WHAMM: variants seen among roughly 807,000 people sequenced by gnomAD.
WHAMM encodes the protein WASP homolog-associated protein with actin, membranes and microtubules.
A neutral mutation model predicts 76.5 loss-of-function variants in WHAMM; 67 were observed. The ratio of observed to expected loss-of-function variants is 0.88; its 90% CI spans 0.72 to 1.07. WHAMM has a LOEUF of 1.07. WHAMM is among the 50% of genes least tolerant of loss of function. The probability of loss-of-function intolerance (pLI) is 0.00; values close to 1 mark genes in which losing one functional copy is unlikely to be tolerated. For synonymous variants in WHAMM, 419 were observed against 422.1 expected (o/e 0.99, Z 0.09); for missense variants, 1,021 against 1,051.1 (o/e 0.97, Z 0.40).
chr15:82,817,525 T>A (rs1183252825), intron 3 of WHAMM, among the ~76,000 whole-genome samples: 1 of 152,102 alleles, frequency 6.6e-6, no homozygotes, highest in Non-Finnish European at 1.5e-5. Context: ...GATTCTTGAT[T>A]TTTTTTTATG....
At chr15:82,822,868 A>G (rs2050855173) in intron 5 of WHAMM, among the ~76,000 whole-genome samples, 2 of 151,988 alleles carry the variant, frequency 1.3e-5, no homozygotes, top group Admixed American at 1.3e-4. Flanking sequence ...ATGTATGTAT[A>G]CATGCATACA....
rs2051025473 is a variant in WHAMM at position 82,831,060 on chromosome 15, G to A, written c.2103G>A (p.Leu701=). Residue 701 remains leucine, a synonymous_variant, in exon 9 of 10, where the codon TTG becomes TTA. Transcript: ENST00000286760. The part of the protein sequence containing the change: ...ESPAERPRDS[L]ESFSCPGSMD... Reference sequence around the variant, plus strand: ...CTGCTGAGCGACCACGTGACTCCTTGGAAAGTTTTTCATGTCCAGGTAATC... The same window carrying A: ...CTGCTGAGCGACCACGTGACTCCTTAGAAAGTTTTTCATGTCCAGGTAATC... The A allele has an allele frequency of 3.1e-6, 5 of 1,607,500 alleles. No individual in the cohort carries two copies. The highest frequency in any genetic ancestry group is 4.2e-6 in the Non-Finnish European group (5 of 1,179,602).
rs760129663 is a variant in WHAMM, at chr15:82,833,393, A to G, written c.2287A>G (p.Asn763Asp). 5.0e-6 allele frequency: 8 copies of G among 1,613,902 alleles called. No individual in the cohort carries two copies. In the Admixed American group the frequency reaches 8.3e-5, roughly 17 times the overall value. The change falls in exon 10 of 10, where the codon AAC becomes GAC. Residue 763 changes from asparagine (N) to aspartate (D), a missense_variant. By Grantham distance (23) the Asn-to-Asp change is conservative. This residue lies in a region of WHAMM where 509 missense variants were observed against 492.3 expected (regional missense o/e 1.03). Transcript: ENST00000286760. ...LKKVHPDLGPNPSSKPTSNRR... is the reference protein window; with the variant it reads ...LKKVHPDLGPDPSSKPTSNRR... The stretch of plus-strand genomic sequence containing the variant: ...GAAAGTTCACCCTGATCTTGGCCCA[A>G]ACCCCAGCAGCAAACCAACCAGCAA...
intron 8 of WHAMM, among the ~76,000 whole-genome samples, chr15:82,829,003 A>G (rs1165710490): frequency 2.6e-5 from 4 of 152,242 alleles, no homozygotes; most frequent in Admixed American, 1.3e-4. Flanking sequence ...TGAAGGGGAC[A>G]TAGCCAATTT....
At position 82,829,705 on chromosome 15, in the gene WHAMM, G is replaced by C. The variant is rs79686483; in HGVS notation, c.1642-894G>C. On this transcript the variant is annotated intron_variant, in intron 8 of 9. Coordinates refer to ENST00000286760, the MANE Select transcript of WHAMM (RefSeq NM_001080435.3). Reference sequence around the variant, plus strand: ...GAGTTTATCATGGATTGCATGGGGGGGGTGTGTGTGTGTTTAGGTTTGCAT... The same window carrying C: ...GAGTTTATCATGGATTGCATGGGGGCGGTGTGTGTGTGTTTAGGTTTGCAT... Among the ~76,000 whole-genome samples, 178 of 152,080 alleles carry C rather than the reference G, an allele frequency of 1.2e-3. 2 individuals are homozygous for C. The highest frequency in any genetic ancestry group is 4.2e-3 in the African/African-American group (175 of 41,480).
In WHAMM at chr15:82,833,336, C is replaced by T. The variant is rs1172633925; in HGVS notation, c.2230C>T (p.Leu744=). 3 of 1,613,954 alleles carry T rather than the reference C, an allele frequency of 1.9e-6. No individual in the cohort carries two copies. The highest frequency in any genetic ancestry group is 1.3e-5 in the African/African-American group (1 of 74,956). ...PPHASINEHI[L]AAIRQGVKLK... ...CCACGCCTCAATCAATGAGCACATT[C>T]TGGCTGCCATAAGGCAAGGGGTCAA... Residue 744 remains leucine (L), a synonymous_variant, in exon 10 of 10, where the codon CTG becomes TTG. Transcript: ENST00000286760.
In WHAMM at chr15:82,833,150, T is replaced by G. The variant is rs1596290551; in HGVS notation, c.2123-79T>G. 6.2e-6 allele frequency: 9 copies of G among 1,446,680 alleles called. No individual in the cohort carries two copies. The East Asian group carries it at 2.2e-4, about 35-fold the overall frequency. 89.6% of individuals were successfully genotyped at this position (1,446,680 alleles called of 1,614,324 possible). On this transcript the variant is annotated intron_variant, in intron 9 of 9. Coordinates refer to ENST00000286760, the MANE Select transcript of WHAMM (RefSeq NM_001080435.3). ...ATCATGGTGTTAACTGATAGGAGAT[T>G]TCACAATTTCATAGCAGTAATGTCC...
intron 1 of WHAMM, among the ~76,000 whole-genome samples, chr15:82,812,120 G>A (rs1377201778): frequency 6.6e-6 from 1 of 152,224 alleles, no homozygotes; most frequent in African/African-American, 2.4e-5. Flanking sequence ...TTGAGGCTCT[G>A]TAAATGAGGT....
intron 8 of WHAMM, among the ~76,000 whole-genome samples, chr15:82,829,085 A>G (rs1010683844): frequency 2.6e-5 from 4 of 152,240 alleles, no homozygotes; most frequent in African/African-American, 7.2e-5. Flanking sequence ...CATGATATCT[A>G]TTGCGATCAA....
At chr15:82,824,175 T>TTTTTTTTTTTTTTTTTTTA (rs2050889710) in intron 6 of WHAMM, among the ~76,000 whole-genome samples, 3 of 148,036 alleles carry the variant, frequency 2.0e-5, no homozygotes, top group Admixed American at 1.4e-4. Context: ...TTTTTTTTTT[T>TTTTTTTTTTTTTTTTTTTA]GAAACAGAGT....
At chr15:82,810,592 C>G (rs1187399983) in intron 1 of WHAMM, 26 of 985,316 alleles carry the variant, frequency 2.6e-5, no homozygotes, top group Non-Finnish European at 3.1e-5. Flanking sequence ...GGCTAGGCCC[C>G]CAACTTTTGC....
Position 82,816,723 on chromosome 15 carries a change from G to A in WHAMM, c.815G>A (p.Arg272Lys), listed in dbSNP as rs1349531107. 6.4e-7 allele frequency: 1 copy of A among 1,557,276 alleles called. No homozygotes were observed. Among genetic ancestry groups the A allele is most frequent in the South Asian group, 1.2e-5 (1 of 84,374 alleles). Residue 272 changes from arginine to lysine, a missense_variant, in exon 3 of 10, where the codon AGA (arginine) becomes AAA (lysine). Physicochemically the swap from Arg to Lys is conservative, Grantham distance 26. Around this residue, in one of 3 missense-constraint regions of WHAMM, gnomAD observed 501 missense variants for 524.9 expected, o/e 0.95. Transcript: ENST00000286760. ...TTGGATGAGGATGACCTAGGTCCTAGAAGGGTAGTTGCCCTGGAGAAAGAA... is the reference window on the plus strand; with the variant it reads ...TTGGATGAGGATGACCTAGGTCCTAAAAGGGTAGTTGCCCTGGAGAAAGAA... ...KSLDEDDLGPRRVVALEKEAE... is the reference protein window; with the variant it reads ...KSLDEDDLGPKRVVALEKEAE...
At chr15:82,832,702 T>G (rs1176415050) in intron 9 of WHAMM, among the ~76,000 whole-genome samples, 1 of 152,246 alleles carries the variant, frequency 6.6e-6, no homozygotes, top group Non-Finnish European at 1.5e-5. Flanking sequence ...TTAAGCCTTT[T>G]CATGTGTAGA....
chr15:82,833,312 C>A lies in WHAMM; in HGVS notation c.2206C>A (p.His736Asn), dbSNP rs1481315013. The A allele has an allele frequency of 1.2e-6, 2 of 1,613,998 alleles. No homozygotes were observed. The highest frequency in any genetic ancestry group is 2.2e-5 in the East Asian group (1 of 44,892). Reference sequence around the variant, plus strand: ...GGAAGTGCCGGCGGTGCGCCCTCCCCACGCCTCAATCAATGAGCACATTCT... The same window carrying A: ...GGAAGTGCCGGCGGTGCGCCCTCCCAACGCCTCAATCAATGAGCACATTCT... The part of the protein sequence containing the change: ...KVEVPAVRPP[H>N]ASINEHILAA... Residue 736 changes from histidine to asparagine, a missense_variant, in exon 10 of 10, where the codon CAC becomes AAC. This residue lies in a region of WHAMM where 509 missense variants were observed against 492.3 expected (regional missense o/e 1.03). Transcript: ENST00000286760.
chr15:82,819,237 A>C (rs2151563012), intron 4 of WHAMM, 86 bp from the exon 5 acceptor site: 1 of 519,866 alleles, frequency 1.9e-6, no homozygotes, highest in Admixed American at 4.8e-5. Flanking sequence ...TGAACAAGGA[A>C]TAGAAAATAG....
chr15:82,814,927 G>A (rs2050694843), intron 2 of WHAMM, among the ~76,000 whole-genome samples: 1 of 149,460 alleles, frequency 6.7e-6, no homozygotes, highest in Non-Finnish European at 1.5e-5. Context: ...CCGCCACCAT[G>A]CCCGGCTAAT....
At position 82,809,801 on chromosome 15, in the gene WHAMM, G is replaced by C. The variant is rs756583281; in HGVS notation, c.75G>C (p.Arg25Ser). 1 of 1,602,182 alleles carries C rather than the reference G, an allele frequency of 6.2e-7. No homozygotes were observed. Among genetic ancestry groups the C allele is most frequent in the Non-Finnish European group, 8.5e-7 (1 of 1,175,128 alleles). ...AGGGCCTCTTCGCCGAGCCCGAGAG[G>C]CACCGGCTGCGCTTCCTGGTGGCCT... The part of the protein sequence containing the change: ...VREGLFAEPE[R>S]HRLRFLVAWN... Residue 25 changes from arginine to serine, a missense_variant, in exon 1 of 10, where the codon AGG becomes AGC. Physicochemically the swap from Arg to Ser is moderately radical, Grantham distance 110 (BLOSUM62 -1). This residue lies in a region of WHAMM where 501 missense variants were observed against 524.9 expected (regional missense o/e 0.95). Transcript: ENST00000286760.
chr15:82,831,861 C>A (rs571786176), intron 9 of WHAMM, among the ~76,000 whole-genome samples: 132 of 152,314 alleles, frequency 8.7e-4, no homozygotes, highest in African/African-American at 3.0e-3. Context: ...TGCTTAAGCA[C>A]CTCCACCTAA....
chr15:82,816,609 A>G (rs774095576), intron 2 of WHAMM, 83 bp from the exon 3 acceptor site: 348 of 1,318,236 alleles, frequency 2.6e-4, no homozygotes, highest in Non-Finnish European at 3.5e-4. Context: ...AAATTAATCC[A>G]TGTGACCAAT....
Sources: gnomAD v4.1 joint callset for allele counts (sites outside exome capture counted in the v4.1 genomes callset) on GRCh38, gnomAD v4.1.1 for gene constraint, gnomAD v4.1.1 regional missense constraint, MANE v1.5 for transcripts, NCBI Gene and HGNC (gene_info 2026-07-23, HGNC 2026-07-21) for gene names.